TBC1D5: variants seen among roughly 807,000 people sequenced by gnomAD.
TBC1D5 encodes TBC1 domain family, member 5.
In TBC1D5, 75 loss-of-function variants were observed where a neutral mutation model predicts 100.3. The observed-to-expected ratio is 0.75, with a 90% confidence interval of 0.62 to 0.91. The LOEUF (loss-of-function observed/expected upper bound fraction) is 0.91, where lower values mean the gene tolerates loss of function less well. TBC1D5 is among the 40% of genes least tolerant of loss of function. TBC1D5 has a pLI of 0.00. For missense variants in TBC1D5, 910 were observed against 942.4 expected (o/e 0.97, Z 0.45); for synonymous variants, 323 against 325.6 (o/e 0.99, Z 0.09).
At chr3:17,593,888 C>A (rs540210780) in intron 2 of TBC1D5, among the ~76,000 whole-genome samples, 4 of 152,120 alleles carry the variant, frequency 2.6e-5, no homozygotes, top group Non-Finnish European at 4.4e-5. Flanking sequence ...TGCTCTGAAT[C>A]GGCGTCTAAT....
At chr3:17,693,809 C>T (rs1475430427) in intron 1 of TBC1D5, among the ~76,000 whole-genome samples, 1 of 152,230 alleles carries the variant, frequency 6.6e-6, no homozygotes, top group Non-Finnish European at 1.5e-5. Context: ...TGTAGCCAAA[C>T]TGGGAGACAC....
intron 16 of TBC1D5, 24 bp downstream of exon 16, chr3:17,258,481 CT>C: frequency 6.3e-7 from 1 of 1,594,324 alleles, no homozygotes; most frequent in East Asian, 2.3e-5. Context: ...TGATTTATAA[CT>C]ATCATCAGAA....
chr3:17,616,162 G>A (rs1264986301), intron 2 of TBC1D5, among the ~76,000 whole-genome samples: 1 of 152,170 alleles, frequency 6.6e-6, no homozygotes, highest in Non-Finnish European at 1.5e-5. Context: ...AGTCATTCAG[G>A]AGCAAATTGT....
chr3:17,287,891 T>C (rs897809425), intron 15 of TBC1D5, among the ~76,000 whole-genome samples: 33 of 152,224 alleles, frequency 2.2e-4, no homozygotes, highest in Admixed American at 7.2e-4. Flanking sequence ...TTTGATTTTA[T>C]TGAACCTGTT....
chr3:17,696,639 G>A (rs981861631), intron 1 of TBC1D5, among the ~76,000 whole-genome samples: 1 of 152,140 alleles, frequency 6.6e-6, no homozygotes, highest in Non-Finnish European at 1.5e-5. Context: ...AAAAGTCCAG[G>A]ACCAGACGGA....
chr3:17,261,433 C>T (rs1043761679), intron 15 of TBC1D5, among the ~76,000 whole-genome samples: 4 of 118,606 alleles, frequency 3.4e-5, no homozygotes, highest in South Asian at 2.6e-4. Flanking sequence ...TTTATGCAAT[C>T]GAAATATTTT....
rs141941911 is a variant in TBC1D5, at chr3:17,640,079, C to T, written c.-100-16166G>A. Among the ~76,000 whole-genome samples, 9 of 152,176 alleles carry T rather than the reference C, an allele frequency of 5.9e-5. No individual in the cohort carries two copies. In the East Asian group the frequency reaches 1.7e-3, roughly 29 times the overall value. ...CAGAGAAAAGACAAAGGTGAGATAA[C>T]CACAGAGAAATATAATACAGAGGAT... is the stretch of plus-strand genomic sequence containing the variant. On this transcript the variant is annotated intron_variant, in intron 1 of 21. Coordinates refer to ENST00000253692, the Ensembl canonical transcript of TBC1D5.
At chr3:17,316,543 T>C (rs2084726036) in intron 13 of TBC1D5, among the ~76,000 whole-genome samples, 1 of 152,228 alleles carries the variant, frequency 6.6e-6, no homozygotes, top group African/African-American at 2.4e-5. Flanking sequence ...TTATTGCGGA[T>C]GCTTGTATTA....
At chr3:17,458,971 C>T (rs983765967) in intron 3 of TBC1D5, among the ~76,000 whole-genome samples, 1 of 152,036 alleles carries the variant, frequency 6.6e-6, no homozygotes, top group Non-Finnish European at 1.5e-5. Flanking sequence ...ATACAAAACC[C>T]CCGACAAAGA....
intron 13 of TBC1D5, among the ~76,000 whole-genome samples, chr3:17,365,989 A>C (rs2092099278): frequency 1.3e-5 from 2 of 152,212 alleles, no homozygotes; most frequent in South Asian, 2.1e-4. Flanking sequence ...TTATTAGGTT[A>C]AATAAGATAA....
intron 13 of TBC1D5, among the ~76,000 whole-genome samples, chr3:17,321,614 C>A (rs1267136874): frequency 6.6e-6 from 1 of 152,114 alleles, no homozygotes; most frequent in African/African-American, 2.4e-5. Context: ...CTGTTTTAGT[C>A]AAAACCAATA....
intron 3 of TBC1D5, among the ~76,000 whole-genome samples, chr3:17,467,286 C>CTTTTTTTTTTTTT (rs11299814): frequency 1.6e-5 from 2 of 121,286 alleles, no homozygotes; most frequent in Admixed American, 8.3e-5. Flanking sequence ...GCCAGACCTT[C>CTTTTTTTTTTTTT]TTTTTTTTTT....
chr3:17,633,334 G>T (rs145765627), intron 1 of TBC1D5, among the ~76,000 whole-genome samples: 222 of 152,196 alleles, frequency 1.5e-3, no homozygotes, highest in African/African-American at 5.2e-3. Flanking sequence ...AGCTACCTGG[G>T]AGGCTGAGGG....
rs2095705467 is a variant in TBC1D5, at chr3:17,496,228, T to A, written c.97+12246A>T. ...AAGCAAATGTAATTGTGAGAACACA[T>A]TGACATTGTTAAAGTAAATTACTCA... is the stretch of plus-strand genomic sequence containing the variant. On this transcript the variant is annotated intron_variant, in intron 3 of 21. Transcript: ENST00000253692. Among the ~76,000 whole-genome samples the A allele has an allele frequency of 2.6e-5, 4 of 152,218 alleles. No individual in the cohort carries two copies. The South Asian group carries it at 8.3e-4, about 31-fold the overall frequency.
intron 14 of TBC1D5, among the ~76,000 whole-genome samples, chr3:17,292,436 C>A (rs369272077): frequency 6.6e-6 from 1 of 152,106 alleles, no homozygotes; most frequent in Non-Finnish European, 1.5e-5. Flanking sequence ...CAACTTGTTA[C>A]ATTTTCTTTT....
At chr3:17,616,151 T>C (rs1000021166) in intron 2 of TBC1D5, among the ~76,000 whole-genome samples, 11 of 152,218 alleles carry the variant, frequency 7.2e-5, no homozygotes, top group Non-Finnish European at 1.5e-4. Flanking sequence ...ATTTACCCAG[T>C]AGTCATTCAG....
chr3:17,222,343 T>C (rs556897155), intron 17 of TBC1D5, among the ~76,000 whole-genome samples: 65 of 152,318 alleles, frequency 4.3e-4, no homozygotes, highest in Middle Eastern at 3.4e-3. Flanking sequence ...CCTTATTAGT[T>C]CAACAGTTCT....
chr3:17,742,203 A>G (rs1577966552), upstream of TBC1D5, among the ~76,000 whole-genome samples: 1 of 151,736 alleles, frequency 6.6e-6, no homozygotes, highest in Non-Finnish European at 1.5e-5. Context: ...TGAAGGGTCC[A>G]CCCCTCCCGC....
chr3:17,413,120 G>A (rs2093980769), intron 4 of TBC1D5, among the ~76,000 whole-genome samples: 2 of 152,252 alleles, frequency 1.3e-5, no homozygotes, highest in African/African-American at 4.8e-5. Flanking sequence ...AAGCATTAGT[G>A]CCACCTAGTG....
Sources: gnomAD v4.1 joint callset for allele counts (sites outside exome capture counted in the v4.1 genomes callset) on GRCh38, gnomAD v4.1.1 for gene constraint, MANE v1.5 for transcripts, NCBI Gene and HGNC (gene_info 2026-07-23, HGNC 2026-07-21) for gene names.